Variants in CCDC170 observed in about 807,000 individuals in gnomAD.
CCDC170 encodes coiled-coil domain-containing protein 170.
Under a neutral mutation model 72.6 loss-of-function variants are expected in CCDC170, and 69 were observed. The ratio of observed to expected loss-of-function variants is 0.95; its 90% CI spans 0.78 to 1.16. The LOEUF (loss-of-function observed/expected upper bound fraction) is 1.16, where lower values mean the gene tolerates loss of function less well. Ranked by LOEUF, CCDC170 falls within the 50% of genes most tolerant of loss-of-function variation. CCDC170 has a pLI of 0.00. For synonymous variants in CCDC170, 300 were observed against 303.9 expected (o/e 0.99, Z 0.13); for missense variants, 852 against 832.5 (o/e 1.02, Z -0.29).
intron 1 of CCDC170, among the ~76,000 whole-genome samples, chr6:151,516,146 A>G (rs943968509): frequency 6.6e-6 from 1 of 152,060 alleles, no homozygotes; most frequent in Non-Finnish European, 1.5e-5. Context: ...CTGTCATATA[A>G]TGCTATACTA....
Position 151,596,352 on chromosome 6 carries a change from G to A in CCDC170, c.1485G>A (p.Glu495=). ...NLQRKLKTQK[E]RLESKELHMS... The stretch of plus-strand genomic sequence containing the variant: ...CAAACCAGCTAAAGACACAGAAAGA[G>A]AGACTGGAGAGCAAAGAATTACACA... Residue 495 remains glutamate, a synonymous_variant, in exon 9 of 11, where the codon GAG becomes GAA. Coordinates refer to ENST00000239374, the MANE Select transcript of CCDC170 (RefSeq NM_025059.4). 5 of 1,612,724 alleles carry A rather than the reference G, an allele frequency of 3.1e-6. No homozygotes were observed. The highest frequency in any genetic ancestry group is 4.2e-6 in the Non-Finnish European group (5 of 1,179,588).
chr6:151,496,164 T>C (rs1781909355), intron 1 of CCDC170, among the ~76,000 whole-genome samples: 1 of 152,220 alleles, frequency 6.6e-6, no homozygotes, highest in Non-Finnish European at 1.5e-5. Flanking sequence ...TCCTTCGTGA[T>C]TAGATTTTTG....
intron 3 of CCDC170, among the ~76,000 whole-genome samples, chr6:151,541,065 G>A (rs1178774819): frequency 6.6e-6 from 1 of 151,988 alleles, no homozygotes; most frequent in Non-Finnish European, 1.5e-5. Context: ...TGGCTTCTTT[G>A]CTGTCCCTTG....
At chr6:151,512,643 G>A (rs538489569) in intron 1 of CCDC170, among the ~76,000 whole-genome samples, 1 of 151,946 alleles carries the variant, frequency 6.6e-6, no homozygotes, top group East Asian at 1.9e-4. Context: ...GGGTAAGCCC[G>A]AGTTCCTCCT....
At chr6:151,507,327 G>A (rs1261951865) in intron 1 of CCDC170, among the ~76,000 whole-genome samples, 1 of 151,974 alleles carries the variant, frequency 6.6e-6, no homozygotes, top group Non-Finnish European at 1.5e-5. Flanking sequence ...AAAAAAAAAT[G>A]AGCTTTGAAG....
At chr6:151,540,342 C>T (rs1782666976) in intron 3 of CCDC170, among the ~76,000 whole-genome samples, 1 of 138,582 alleles carries the variant, frequency 7.2e-6, no homozygotes. Flanking sequence ...CCTTCCTCTT[C>T]CTCCTCCTCC....
intron 1 of CCDC170, among the ~76,000 whole-genome samples, chr6:151,535,292 G>A (rs561558581): frequency 4.1e-4 from 62 of 152,290 alleles, no homozygotes; most frequent in African/African-American, 1.3e-3. Context: ...GGCCAGGCTG[G>A]AAATCCTTAT....
chr6:151,589,769 T>C (rs6925996), intron 7 of CCDC170, among the ~76,000 whole-genome samples: 75,161 of 151,980 alleles, frequency 0.49, 23,251 homozygotes, highest in African/African-American at 0.86. Context: ...GGTTCTCTGG[T>C]GCCCCCAGGA....
At chr6:151,524,007 G>T (rs558880895) in intron 1 of CCDC170, among the ~76,000 whole-genome samples, 1 of 152,350 alleles carries the variant, frequency 6.6e-6, no homozygotes, top group South Asian at 2.1e-4. Flanking sequence ...AGGGGATCCA[G>T]AAGAGGGTTG....
intron 1 of CCDC170, among the ~76,000 whole-genome samples, chr6:151,520,331 A>G (rs895603454): frequency 6.6e-6 from 1 of 152,232 alleles, no homozygotes; most frequent in Admixed American, 6.5e-5. Flanking sequence ...AAAGATGTAC[A>G]GACACAGGAC....
intron 6 of CCDC170, among the ~76,000 whole-genome samples, chr6:151,583,682 T>C (rs752134508): frequency 5.9e-5 from 9 of 152,006 alleles, no homozygotes; most frequent in Non-Finnish European, 8.8e-5. Flanking sequence ...GGTCTTGAAC[T>C]CCTGACTTCA....
At chr6:151,509,235 T>TATCC (rs2115024143) in intron 1 of CCDC170, among the ~76,000 whole-genome samples, 1 of 151,750 alleles carries the variant, frequency 6.6e-6, no homozygotes, top group South Asian at 2.1e-4. Flanking sequence ...TCTATCTATC[T>TATCC]ATCTATCTAT....
intron 1 of CCDC170, among the ~76,000 whole-genome samples, chr6:151,502,739 C>A (rs1782009980): frequency 6.6e-6 from 1 of 152,126 alleles, no homozygotes; most frequent in Non-Finnish European, 1.5e-5. Context: ...TATTAGTCAC[C>A]CACTTGACAA....
chr6:151,568,359 A>C (rs940889460), intron 5 of CCDC170, among the ~76,000 whole-genome samples: 6 of 152,280 alleles, frequency 3.9e-5, no homozygotes, highest in Admixed American at 2.0e-4. Context: ...ATTCGAAGGA[A>C]ATAGAGCAGG....
At chr6:151,559,984 C>T (rs7738612) in intron 5 of CCDC170, among the ~76,000 whole-genome samples, 139,507 of 152,202 alleles carry the variant, frequency 0.92, 64,186 homozygotes, top group East Asian at 0.99. Context: ...TTCTATTGGC[C>T]TTGGGTTGAG....
At chr6:151,505,789 C>G (rs113469473) in intron 1 of CCDC170, among the ~76,000 whole-genome samples, 7 of 152,258 alleles carry the variant, frequency 4.6e-5, no homozygotes, top group African/African-American at 1.7e-4. Context: ...TCCAGAAAGC[C>G]TACTTCTTAA....
chr6:151,612,454 T>A (rs1245051729), intron 9 of CCDC170, among the ~76,000 whole-genome samples: 1 of 152,204 alleles, frequency 6.6e-6, no homozygotes, highest in East Asian at 1.9e-4. Context: ...ATTCATTCAT[T>A]GGGGCAGCAA....
In CCDC170 at chr6:151,494,809, G is replaced by C. The variant is rs546989599; in HGVS notation, c.57+624G>C. 3.3e-5 allele frequency among the ~76,000 whole-genome samples: 5 copies of C among 152,226 alleles called. No homozygotes were observed. In the East Asian group the frequency reaches 9.7e-4, roughly 29 times the overall value. On this transcript the variant is annotated intron_variant, in intron 1 of 10. Transcript: ENST00000239374. ...AACAGGCACATACGCGAACAAACAC[G>C]GGCGCGCACACACACGAACACGGGC...
chr6:151,528,624 T>C (rs1300389420), intron 1 of CCDC170, among the ~76,000 whole-genome samples: 1 of 152,074 alleles, frequency 6.6e-6, no homozygotes, highest in Non-Finnish European at 1.5e-5. Context: ...GGCGAGTGGA[T>C]CAGTTGAGTT....
Sources: gnomAD v4.1 joint callset for allele counts (sites outside exome capture counted in the v4.1 genomes callset) on GRCh38, gnomAD v4.1.1 for gene constraint, MANE v1.5 for transcripts, NCBI Gene and HGNC (gene_info 2026-07-23, HGNC 2026-07-21) for gene names.